The following FAT3 variants were observed in gnomAD, a reference collection of about 807,000 sequenced individuals.
FAT3 encodes the protein FAT atypical cadherin 3.
In FAT3, 95 loss-of-function variants were observed where a neutral mutation model predicts 310.2. The ratio of observed to expected loss-of-function variants is 0.31; its 90% CI spans 0.26 to 0.36. The LOEUF is 0.36. Among genes scored for constraint, FAT3 ranks in the 10% least tolerant of loss-of-function variants. FAT3 has a pLI of 1.00. For synonymous variants in FAT3, 2,314 were observed against 2,192.9 expected (o/e 1.06, Z -1.54); for missense variants, 5,408 against 5,715.6 (o/e 0.95, Z 1.74).
chr11:92,618,550 T>A (rs1940932584), intron 3 of FAT3, among the ~76,000 whole-genome samples: 1 of 152,246 alleles, frequency 6.6e-6, no homozygotes, highest in Non-Finnish European at 1.5e-5. Context: ...ACCCGTCTTT[T>A]GCGTGACTCA....
chr11:92,644,124 C>A (rs1481358729), intron 3 of FAT3, among the ~76,000 whole-genome samples: 1 of 152,204 alleles, frequency 6.6e-6, no homozygotes, highest in Non-Finnish European at 1.5e-5. Context: ...GCCAAGGTGG[C>A]AGCCCCAGAG....
rs1004382799 is a variant in FAT3, at chr11:92,799,523, A to G, written c.6510A>G (p.Thr2170=). 1.2e-6 allele frequency: 2 copies of G among 1,613,634 alleles called. No individual in the cohort carries two copies. The highest frequency in any genetic ancestry group is 2.7e-5 in the African/African-American group (2 of 74,896). Residue 2170 remains threonine (T), a synonymous_variant, in exon 10 of 28, where the codon ACA becomes ACG. Coordinates refer to ENST00000525166, the MANE Select transcript of FAT3 (RefSeq NM_001367949.2). ...ATGGCGGAAAACCTTCTTTGTCTAC[A>G]TCTGTGGAGCTTCCCATCACTATTG... ...AKDGGKPSLS[T]SVELPITIVN...
At chr11:92,755,585 A>T (rs1945969480) in intron 4 of FAT3, among the ~76,000 whole-genome samples, 1 of 152,346 alleles carries the variant, frequency 6.6e-6, no homozygotes, top group African/African-American at 2.4e-5. Context: ...ATATACGTTA[A>T]TTAACCTGTT....
rs775155455 is a variant in FAT3, at chr11:92,354,697, C to G, written c.2585C>G (p.Ser862Cys). The G allele has an allele frequency of 1.9e-6, 3 of 1,613,830 alleles. No individual in the cohort carries two copies. In the South Asian group the frequency reaches 3.3e-5, roughly 18 times the overall value. ...QVEARDKDLG[S>C]NGEVTYSVLT... Reference sequence around the variant, plus strand: ...GAAGCCAGAGACAAAGACTTAGGTTCTAATGGTGAAGTGACTTACTCAGTC... The same window carrying G: ...GAAGCCAGAGACAAAGACTTAGGTTGTAATGGTGAAGTGACTTACTCAGTC... Residue 862 changes from serine (S) to cysteine (C), a missense_variant, in exon 2 of 28, where the codon TCT becomes TGT. By Grantham distance (112) the Ser-to-Cys change is moderately radical. Coordinates refer to ENST00000525166, the MANE Select transcript of FAT3 (RefSeq NM_001367949.2).
chr11:92,398,352 T>C (rs1949929176), intron 2 of FAT3, among the ~76,000 whole-genome samples: 3 of 151,862 alleles, frequency 2.0e-5, no homozygotes, highest in Non-Finnish European at 2.9e-5. Flanking sequence ...AGTACAAAAA[T>C]TAGCCAGGCA....
chr11:92,247,207 G>A (rs1056825496), intron 1 of FAT3, among the ~76,000 whole-genome samples: 2 of 152,044 alleles, frequency 1.3e-5, no homozygotes, highest in South Asian at 4.1e-4. Context: ...AGTGTGTTGG[G>A]TAGGTTAGCA....
rs562459455 is a variant in FAT3, at chr11:92,596,825, G to A, written c.3607+71877G>A. Reference sequence around the variant, plus strand: ...TGAGCTTAAATGCAGTTACTGTGTAGCTCTCTCATAGTGGGTCCACCCAGT... The same window carrying A: ...TGAGCTTAAATGCAGTTACTGTGTAACTCTCTCATAGTGGGTCCACCCAGT... On this transcript the variant is annotated intron_variant, in intron 3 of 27. Transcript: ENST00000525166. Among the ~76,000 whole-genome samples the A allele has an allele frequency of 4.6e-5, 7 of 152,284 alleles. No individual in the cohort carries two copies. The South Asian group carries it at 1.5e-3, about 32-fold the overall frequency.
intron 2 of FAT3, among the ~76,000 whole-genome samples, chr11:92,440,093 A>G (rs538868011): frequency 1.3e-5 from 2 of 152,030 alleles, no homozygotes; most frequent in Non-Finnish European, 2.9e-5. Flanking sequence ...GAGGAGGTGG[A>G]TCTGAGTGAG....
At chr11:92,716,081 G>C (rs1944674535) in intron 4 of FAT3, among the ~76,000 whole-genome samples, 1 of 152,152 alleles carries the variant, frequency 6.6e-6, no homozygotes, top group Admixed American at 6.6e-5. Flanking sequence ...GAGTTAGAAG[G>C]AGTCTGGGAT....
chr11:92,578,945 G>C (rs1218842536), intron 3 of FAT3, among the ~76,000 whole-genome samples: 1 of 152,068 alleles, frequency 6.6e-6, no homozygotes, highest in African/African-American at 2.4e-5. Flanking sequence ...ATGAAAAACT[G>C]ATGAAAATAA....
At chr11:92,757,144 G>T (rs969610516) in intron 4 of FAT3, among the ~76,000 whole-genome samples, 1 of 151,818 alleles carries the variant, frequency 6.6e-6, no homozygotes, top group Non-Finnish European at 1.5e-5. Context: ...GGCTGGTCTC[G>T]AACTCCCGAC....
intron 1 of FAT3, among the ~76,000 whole-genome samples, chr11:92,285,119 A>T (rs1323004453): frequency 6.6e-6 from 1 of 152,146 alleles, no homozygotes; most frequent in African/African-American, 2.4e-5. Flanking sequence ...TAGAATATGA[A>T]TTAGGGAGTG....
intron 17 of FAT3, among the ~76,000 whole-genome samples, chr11:92,838,155 C>T (rs1948452662): frequency 6.6e-6 from 1 of 152,150 alleles, no homozygotes; most frequent in South Asian, 2.1e-4. Flanking sequence ...TGGTAAGTGG[C>T]AGAGTCAGGA....
At chr11:92,553,378 A>G (rs998682473) in intron 3 of FAT3, among the ~76,000 whole-genome samples, 1 of 152,244 alleles carries the variant, frequency 6.6e-6, no homozygotes, top group Non-Finnish European at 1.5e-5. Flanking sequence ...ACTTCATTAG[A>G]TACAAAGATG....
At chr11:92,298,803 T>C (rs1259936884) in intron 1 of FAT3, among the ~76,000 whole-genome samples, 2 of 152,132 alleles carry the variant, frequency 1.3e-5, no homozygotes, top group Non-Finnish European at 2.9e-5. Context: ...TGAGTGAGAT[T>C]AGGACTCTCA....
intron 1 of FAT3, among the ~76,000 whole-genome samples, chr11:92,232,636 T>G (rs1475644569): frequency 1.4e-5 from 2 of 143,822 alleles, no homozygotes; most frequent in Non-Finnish European, 3.0e-5. Context: ...TCGTTTTTTT[T>G]TTTTTTTTTT....
chr11:92,707,194 G>A (rs1037662206), intron 4 of FAT3, among the ~76,000 whole-genome samples: 4 of 152,164 alleles, frequency 2.6e-5, no homozygotes, highest in Non-Finnish European at 4.4e-5. Flanking sequence ...GTAGAGCAGC[G>A]GTAGATGAAA....
chr11:92,504,101 G>A (rs191785913), intron 2 of FAT3, among the ~76,000 whole-genome samples: 5 of 152,130 alleles, frequency 3.3e-5, no homozygotes, highest in Non-Finnish European at 7.4e-5. Context: ...AAGCTAACTA[G>A]TTGTAGTTTT....
intron 4 of FAT3, among the ~76,000 whole-genome samples, chr11:92,753,817 T>C (rs1287855759): frequency 6.7e-6 from 1 of 149,360 alleles, no homozygotes; most frequent in Non-Finnish European, 1.5e-5. Flanking sequence ...TATGGTGGAA[T>C]ACTACTCAGC....
Sources: gnomAD v4.1 joint callset for allele counts (sites outside exome capture counted in the v4.1 genomes callset) on GRCh38, gnomAD v4.1.1 for gene constraint, MANE v1.5 for transcripts, NCBI Gene and HGNC (gene_info 2026-07-23, HGNC 2026-07-21) for gene names.